CDK14: variants seen among roughly 807,000 people sequenced by gnomAD.
The protein encoded by CDK14 is cyclin-dependent kinase 14.
In CDK14, 34 loss-of-function variants were observed where a neutral mutation model predicts 60.7. The ratio of observed to expected loss-of-function variants is 0.56; its 90% CI spans 0.43 to 0.75. CDK14 has a LOEUF of 0.75. CDK14 is among the 30% of genes least tolerant of loss of function. The pLI is 0.00. For missense variants in CDK14, 482 were observed against 564.1 expected, an observed-to-expected ratio of 0.85 and a Z score of 1.47; for synonymous variants, 197 against 203.7, an observed-to-expected ratio of 0.97 and a Z score of 0.28.
chr7:91,093,878 A>G (rs1047539982), intron 12 of CDK14, among the ~76,000 whole-genome samples: 6 of 152,202 alleles, frequency 3.9e-5, no homozygotes, highest in African/African-American at 1.2e-4. Flanking sequence ...TTGCAGCAAC[A>G]TGGATGCAGC....
At chr7:90,688,182 C>G (rs954333706) in intron 2 of CDK14, among the ~76,000 whole-genome samples, 1 of 152,146 alleles carries the variant, frequency 6.6e-6, no homozygotes, top group Non-Finnish European at 1.5e-5. Context: ...ACACACATTC[C>G]TATGACCTGT....
At chr7:90,671,360 G>C (rs1420591039) in intron 2 of CDK14, among the ~76,000 whole-genome samples, 1 of 151,828 alleles carries the variant, frequency 6.6e-6, no homozygotes, top group Non-Finnish European at 1.5e-5. Context: ...TGATAAGAAG[G>C]TTATTTAGGT....
chr7:90,677,108 G>C, intron 2 of CDK14, among the ~76,000 whole-genome samples: 1 of 152,060 alleles, frequency 6.6e-6, no homozygotes, highest in Non-Finnish European at 1.5e-5. Context: ...ATACATCACT[G>C]TTTATTTTGG....
rs1799191045 is a variant in CDK14 at position 90,596,623 on chromosome 7, C to G, written c.-5C>G. 6.2e-7 allele frequency: 1 copy of G among 1,611,728 alleles called. No homozygotes were observed. Among genetic ancestry groups the G allele is most frequent in the East Asian group, 2.2e-5 (1 of 44,830 alleles). ...GGGAAGTTGTCGGGGCTCCGCGTCG[C>G]CCAGATGTGTGACCTCATTGAGCCG... is the stretch of plus-strand genomic sequence containing the variant. On this transcript the variant is annotated 5_prime_UTR_variant, in exon 1 of 15. Transcript: ENST00000380050.
chr7:90,808,759 G>C (rs1023138267), intron 5 of CDK14, among the ~76,000 whole-genome samples: 3 of 152,140 alleles, frequency 2.0e-5, no homozygotes, highest in African/African-American at 7.2e-5. Flanking sequence ...TCAAAATAAA[G>C]GGATGGAGGA....
chr7:90,949,187 TTTTA>T (rs1360935246), intron 8 of CDK14, among the ~76,000 whole-genome samples: 4 of 152,076 alleles, frequency 2.6e-5, no homozygotes, highest in African/African-American at 2.4e-5. Context: ...TGTATAGTTT[TTTTA>T]TTTGTTTGTT....
chr7:90,664,921 GTAAAACTT>G (rs1800944079), intron 2 of CDK14, among the ~76,000 whole-genome samples: 1 of 151,998 alleles, frequency 6.6e-6, no homozygotes, highest in Non-Finnish European at 1.5e-5. Flanking sequence ...CACATGTACT[GTAAAACTT>G]AAAGTATAAT....
chr7:91,189,724 G>A (rs1053161758), intron 14 of CDK14, among the ~76,000 whole-genome samples: 1 of 152,098 alleles, frequency 6.6e-6, no homozygotes, highest in Non-Finnish European at 1.5e-5. Context: ...CAACATGAAA[G>A]CATGAATTTT....
chr7:90,759,054 TAA>T (rs66582106), intron 4 of CDK14, among the ~76,000 whole-genome samples: 14 of 134,704 alleles, frequency 1.0e-4, no homozygotes, highest in Non-Finnish European at 9.5e-5. Context: ...AGACTCTGTC[TAA>T]AAAAAAAAAA....
At chr7:90,700,205 T>C (rs1211912288) in intron 2 of CDK14, among the ~76,000 whole-genome samples, 1 of 152,196 alleles carries the variant, frequency 6.6e-6, no homozygotes, top group Non-Finnish European at 1.5e-5. Context: ...GTGATTCTCC[T>C]GCCTTAGCCT....
At chr7:90,744,506 G>A (rs1282505774) in intron 3 of CDK14, among the ~76,000 whole-genome samples, 4 of 152,196 alleles carry the variant, frequency 2.6e-5, no homozygotes, top group African/African-American at 7.2e-5. Flanking sequence ...ATCATGGCCC[G>A]TTCTCAATGA....
intron 14 of CDK14, among the ~76,000 whole-genome samples, chr7:91,125,750 C>G (rs1799925267): frequency 6.6e-6 from 1 of 152,076 alleles, no homozygotes; most frequent in Non-Finnish European, 1.5e-5. Context: ...GTATGCTAAG[C>G]ATGGAATCAA....
chr7:91,125,157 G>A (rs543028221), intron 14 of CDK14, among the ~76,000 whole-genome samples: 3 of 152,214 alleles, frequency 2.0e-5, no homozygotes, highest in Admixed American at 1.3e-4. Context: ...AACTATTCCC[G>A]CTGTCCCATG....
intron 14 of CDK14, among the ~76,000 whole-genome samples, chr7:91,148,381 A>G (rs1398329198): frequency 6.6e-6 from 1 of 152,192 alleles, no homozygotes; most frequent in Non-Finnish European, 1.5e-5. Flanking sequence ...TCCAAAAAAA[A>G]GGAATTTGCA....
intron 12 of CDK14, among the ~76,000 whole-genome samples, chr7:91,110,142 G>GA (rs929097152): frequency 2.6e-5 from 4 of 152,044 alleles, no homozygotes; most frequent in South Asian, 4.2e-4. Flanking sequence ...TAGGTAGACC[G>GA]AAAAAAGAGG....
intron 11 of CDK14, among the ~76,000 whole-genome samples, chr7:91,056,585 C>T (rs868158169): frequency 4.8e-5 from 7 of 147,308 alleles, no homozygotes; most frequent in African/African-American, 7.6e-5. Context: ...CAGGCCCCGG[C>T]GTGTGATGTT....
intron 10 of CDK14, among the ~76,000 whole-genome samples, chr7:90,999,964 A>G (rs1795796213): frequency 6.6e-6 from 1 of 152,232 alleles, no homozygotes; most frequent in African/African-American, 2.4e-5. Flanking sequence ...TGAAAAAAGT[A>G]ATGACTGGGC....
At chr7:90,668,861 A>ACC (rs923549954) in intron 2 of CDK14, among the ~76,000 whole-genome samples, 4 of 149,810 alleles carry the variant, frequency 2.7e-5, no homozygotes, top group Non-Finnish European at 5.9e-5. Context: ...GATGCGTGCC[A>ACC]CCGTGCCTGG....
chr7:90,638,018 G>A (rs1278346147), intron 2 of CDK14, among the ~76,000 whole-genome samples: 2 of 147,082 alleles, frequency 1.4e-5, no homozygotes, highest in Non-Finnish European at 3.0e-5. Flanking sequence ...TTGAGCCTAT[G>A]TGTGTCTCTG....
Sources: allele counts gnomAD v4.1 joint callset (sites outside exome capture counted in the v4.1 genomes callset), GRCh38; gene constraint gnomAD v4.1.1; transcripts MANE v1.5; gene names NCBI Gene and HGNC (gene_info 2026-07-23, HGNC 2026-07-21).